Variants in PRSS54 observed in about 807,000 individuals in gnomAD.
PRSS54 encodes serine protease 54.
A neutral mutation model predicts 19.9 loss-of-function variants in PRSS54; 16 were observed. The observed-to-expected ratio is 0.80, with a 90% CI of 0.54 to 1.22. PRSS54 has a LOEUF of 1.22. Ranked by LOEUF, PRSS54 falls within the 50% of genes most tolerant of loss-of-function variation. The pLI is 0.00. For missense variants in PRSS54, 444 were observed against 494.8 expected (o/e 0.90, Z 0.97); for synonymous variants, 177 against 195.8 (o/e 0.90, Z 0.80).
chr16:58,293,022 C>A (rs1384605798), intron 3 of PRSS54, among the ~76,000 whole-genome samples: 1 of 152,008 alleles, frequency 6.6e-6, no homozygotes, highest in Non-Finnish European at 1.5e-5. Flanking sequence ...CTGGAGGACT[C>A]CCCTCTATGT....
chr16:58,290,903 T>C (rs3803582), intron 4 of PRSS54, 56 bp downstream of exon 4: 169,034 of 1,581,278 alleles, frequency 0.11, 9,377 homozygotes, highest in Admixed American at 0.13. Context: ...GGAAACAGGG[T>C]CGCCCCCACC....
intron 6 of PRSS54, chr16:58,281,057 G>T: frequency 2.9e-6 from 1 of 339,704 alleles, no homozygotes; most frequent in Non-Finnish European, 5.4e-6. Context: ...CCTCTCTTCT[G>T]GCTTCTCATT....
At chr16:58,283,844 T>C (rs1964845355) in intron 6 of PRSS54, 1 of 152,194 alleles carries the variant, frequency 6.6e-6, no homozygotes, top group African/African-American at 2.4e-5. Context: ...AAATTGTCTG[T>C]ATATATGTAT....
intron 4 of PRSS54, among the ~76,000 whole-genome samples, chr16:58,287,232 T>G (rs916949387): frequency 2.0e-5 from 3 of 152,234 alleles, no homozygotes; most frequent in African/African-American, 7.2e-5. Flanking sequence ...CTCTATAGTT[T>G]GGAGTAGTTA....
intron 6 of PRSS54, chr16:58,283,705 T>A (rs1964840849): frequency 1.3e-5 from 2 of 152,142 alleles, no homozygotes; most frequent in Admixed American, 6.5e-5. Context: ...ATTGTTAAGA[T>A]CCCCCACCTG....
chr16:58,294,314 T>C (rs1478849103), intron 1 of PRSS54, 105 bp from the exon 2 acceptor site: 1 of 159,146 alleles, frequency 6.3e-6, no homozygotes, highest in Non-Finnish European at 1.4e-5. Flanking sequence ...ACGCTAGGGC[T>C]TCTGTTAACT....
At position 58,280,097 on chromosome 16, in the gene PRSS54, A is replaced by G; in HGVS notation, c.*127T>C. On this transcript the variant is annotated 3_prime_UTR_variant, in exon 7 of 7. Transcript: ENST00000567164. ...AGAGGAGGGAGAGCCAGCCCAGTGTATGCCATGGGCTTATCCGTGGCAGCC... is the reference window on the plus strand; with the variant it reads ...AGAGGAGGGAGAGCCAGCCCAGTGTGTGCCATGGGCTTATCCGTGGCAGCC... The G allele has an allele frequency of 1.1e-6, 1 of 932,846 alleles. No individual in the cohort carries two copies. The highest frequency in any genetic ancestry group is 1.6e-6 in the Non-Finnish European group (1 of 616,666). 57.8% of individuals were successfully genotyped at this position (932,846 alleles called of 1,614,324 possible).
Position 58,280,653 on chromosome 16 carries a change from C to T in PRSS54, c.759G>A (p.Leu253=), listed in dbSNP as rs150389276. The T allele has an allele frequency of 2.3e-4, 374 of 1,614,046 alleles. No individual in the cohort carries two copies. Among genetic ancestry groups the T allele is most frequent in the Non-Finnish European group, 3.1e-4 (362 of 1,180,044 alleles). ...TGCTGTAGTCTTCCACCTTGGTGTA[C>T]AGAAACAGGCCAGGGCACGTCTCAC... ...FGGETCPGLF[L]YTKVEDYSKW... The change falls in exon 7 of 7, where the codon CTG becomes CTA. Residue 253 remains leucine (L), a synonymous_variant. Coordinates refer to ENST00000567164, the MANE Select transcript of PRSS54 (RefSeq NM_001305173.2).
At position 58,293,714 on chromosome 16, in the gene PRSS54, G is replaced by A. The variant is rs747013291; in HGVS notation, c.85+18C>T. ...ACGTGTGCAGCTAAAGTCAGAGGGA[G>A]GAAAGCAGCACACTCACTGGTGGAA... On this transcript the variant is annotated intron_variant, in intron 3 of 6. Coordinates refer to ENST00000567164, the MANE Select transcript of PRSS54 (RefSeq NM_001305173.2). The A allele has an allele frequency of 5.0e-6, 8 of 1,607,222 alleles. No individual in the cohort carries two copies. In the African/African-American group the frequency reaches 1.1e-4, roughly 21 times the overall value.
At chr16:58,293,523 G>T (rs2142656782) in intron 3 of PRSS54, 1 of 985,022 alleles carries the variant, frequency 1.0e-6, no homozygotes, top group South Asian at 4.7e-5. Context: ...CTAAGGATTG[G>T]CCCTGACTTT....
At chr16:58,284,033 T>C (rs1964850902) in intron 6 of PRSS54, among the ~76,000 whole-genome samples, 2 of 152,176 alleles carry the variant, frequency 1.3e-5, no homozygotes, top group Admixed American at 1.3e-4. Flanking sequence ...TCCTTGTCTT[T>C]GCTGTAACTT....
chr16:58,292,475 A>G (rs1036786030), intron 3 of PRSS54, among the ~76,000 whole-genome samples: 1 of 152,214 alleles, frequency 6.6e-6, no homozygotes, highest in African/African-American at 2.4e-5. Flanking sequence ...TATGAGCCCC[A>G]AAAACAGTTT....
intron 5 of PRSS54, 96 bp from the exon 6 acceptor site, chr16:58,284,817 A>ATTTT (rs11313996): frequency 3.5e-3 from 3,825 of 1,102,678 alleles, no homozygotes; most frequent in Non-Finnish European, 3.9e-3. Flanking sequence ...GAGAGTGAGA[A>ATTTT]TTTTTTTTTT....
At chr16:58,286,929 G>T (rs904333729) in intron 4 of PRSS54, among the ~76,000 whole-genome samples, 1 of 151,994 alleles carries the variant, frequency 6.6e-6, no homozygotes, top group African/African-American at 2.4e-5. Flanking sequence ...CAAAATGAAG[G>T]CCAAATCAAA....
chr16:58,280,768 A>C lies in PRSS54; in HGVS notation c.655-11T>G. The C allele has an allele frequency of 6.3e-7, 1 of 1,587,202 alleles. No homozygotes were observed. The highest frequency in any genetic ancestry group is 8.6e-7 in the Non-Finnish European group (1 of 1,164,450). ...GCTTCCTGGGTCCCCCTGTGATAAAAGACAGAAGGCTTCAAGTCTTAGAAA... is the reference window on the plus strand; with the variant it reads ...GCTTCCTGGGTCCCCCTGTGATAAACGACAGAAGGCTTCAAGTCTTAGAAA... On this transcript the variant is annotated splice_polypyrimidine_tract_variant and intron_variant, in intron 6 of 6. Transcript: ENST00000567164.
At position 58,285,975 on chromosome 16, in the gene PRSS54, G is replaced by T. The variant is rs777692282; in HGVS notation, c.484C>A (p.Gln162Lys). The change falls in exon 5 of 7, where the codon CAG becomes AAG. Residue 162 changes from glutamine to lysine, a missense_variant. Physicochemically the swap from Gln to Lys is moderately conservative, Grantham distance 53 (BLOSUM62 1). Transcript: ENST00000567164. ...GRMLHTPPVLQNCWVSGWNPT... is the reference protein window; with the variant it reads ...GRMLHTPPVLKNCWVSGWNPT... Reference sequence around the variant, plus strand: ...TTCCATCCTGACACCCAGCAGTTCTGCAAGACTGGTGGTGTATGCAGCATT... The same window carrying T: ...TTCCATCCTGACACCCAGCAGTTCTTCAAGACTGGTGGTGTATGCAGCATT... 6 of 1,614,052 alleles carry T rather than the reference G, an allele frequency of 3.7e-6. No individual in the cohort carries two copies. Among genetic ancestry groups the T allele is most frequent in the African/African-American group, 1.3e-5 (1 of 74,902 alleles).
At chr16:58,291,521 A>C (rs1965040134) in intron 3 of PRSS54, among the ~76,000 whole-genome samples, 1 of 151,744 alleles carries the variant, frequency 6.6e-6, no homozygotes, top group African/African-American at 2.4e-5. Context: ...TCACTGTGTC[A>C]CCCAGGCTAG....
chr16:58,280,654 AG>A lies in PRSS54; in HGVS notation c.757del (p.Leu253CysfsTer32). ...GCTGTAGTCTTCCACCTTGGTGTACAGAAACAGGCCAGGGCACGTCTCACCA... is the reference window on the plus strand; with the variant it reads ...GCTGTAGTCTTCCACCTTGGTGTACAAAACAGGCCAGGGCACGTCTCACCA... ...FGGETCPGLF[L>X]YTKVEDYSKW... On this transcript the variant is annotated frameshift_variant, in exon 7 of 7. Coordinates refer to ENST00000567164, the MANE Select transcript of PRSS54 (RefSeq NM_001305173.2). LOFTEE classifies it low-confidence loss of function (END_TRUNC). 6.2e-7 allele frequency: 1 copy of A among 1,614,192 alleles called. No homozygotes were observed. The highest frequency in any genetic ancestry group is 8.5e-7 in the Non-Finnish European group (1 of 1,180,032).
At chr16:58,294,638 C>T (rs1252951293) in intron 1 of PRSS54, among the ~76,000 whole-genome samples, 5 of 152,186 alleles carry the variant, frequency 3.3e-5, no homozygotes, top group Non-Finnish European at 7.3e-5. Flanking sequence ...CCTCAGTCTC[C>T]CAAAGTGCTG....
Sources: gnomAD v4.1 joint callset for allele counts (sites outside exome capture counted in the v4.1 genomes callset) on GRCh38, gnomAD v4.1.1 for gene constraint, MANE v1.5 for transcripts, NCBI Gene and HGNC (gene_info 2026-07-23, HGNC 2026-07-21) for gene names.